Variants in ZMYND8 observed in about 807,000 individuals in gnomAD.
The protein encoded by ZMYND8 is MYND-type zinc finger-containing chromatin reader ZMYND8.
ZMYND8 carries 37 observed loss-of-function variants against 140.8 expected under a neutral mutation model. That is an observed-to-expected ratio of 0.26 (90% confidence interval 0.20 to 0.35). The LOEUF is 0.35. Among genes scored for constraint, ZMYND8 ranks in the 10% least tolerant of loss-of-function variants. The pLI is 1.00. For missense variants in ZMYND8, 1,068 were observed against 1,570.0 expected, an observed-to-expected ratio of 0.68 and a Z score of 5.40; for synonymous variants, 592 against 597.1, an observed-to-expected ratio of 0.99 and a Z score of 0.12.
intron 2 of ZMYND8, among the ~76,000 whole-genome samples, chr20:47,338,560 A>G (rs1200076703): frequency 6.6e-6 from 1 of 152,206 alleles, no homozygotes; most frequent in African/African-American, 2.4e-5. Flanking sequence ...TGCAGACTTC[A>G]GCTCTGGGAA....
intron 8 of ZMYND8, among the ~76,000 whole-genome samples, chr20:47,284,367 G>A (rs1311403888): frequency 6.6e-6 from 1 of 152,202 alleles, no homozygotes. Context: ...GCAATGTCTA[G>A]AGGCATTTTT....
At chr20:47,240,301 G>A (rs2039796311) in intron 14 of ZMYND8, among the ~76,000 whole-genome samples, 1 of 152,014 alleles carries the variant, frequency 6.6e-6, no homozygotes, top group South Asian at 2.1e-4. Context: ...GATCACTTGT[G>A]GTCAGGAGTT....
intron 12 of ZMYND8, among the ~76,000 whole-genome samples, chr20:47,257,990 G>C (rs370864898): frequency 6.6e-6 from 1 of 152,080 alleles, no homozygotes; most frequent in Non-Finnish European, 1.5e-5. Flanking sequence ...CCCAACGTGC[G>C]GGAATTACAG....
intron 1 of ZMYND8, among the ~76,000 whole-genome samples, chr20:47,355,103 G>A (rs1337936347): frequency 6.6e-6 from 1 of 152,064 alleles, no homozygotes; most frequent in Non-Finnish European, 1.5e-5. Context: ...GCACCTCTAA[G>A]AACAAGCAGT....
chr20:47,228,133 C>T (rs545248809), intron 17 of ZMYND8, among the ~76,000 whole-genome samples: 42 of 150,542 alleles, frequency 2.8e-4, no homozygotes, highest in African/African-American at 8.8e-4. Flanking sequence ...TAATAATAAA[C>T]AGTGTTTAAT....
chr20:47,239,170 A>C, intron 14 of ZMYND8, 32 bp from the exon 15 acceptor site: 2 of 1,480,076 alleles, frequency 1.4e-6, no homozygotes, highest in Non-Finnish European at 1.8e-6. Flanking sequence ...AACAAACAAA[A>C]ACCGGATTTC....
intron 21 of ZMYND8, among the ~76,000 whole-genome samples, chr20:47,219,088 C>T (rs968726238): frequency 1.2e-4 from 12 of 101,450 alleles, no homozygotes; most frequent in East Asian, 5.6e-4. Context: ...GAGAGAGTCT[C>T]GCTCTGTCTT....
intron 2 of ZMYND8, among the ~76,000 whole-genome samples, chr20:47,338,873 C>T (rs770021658): frequency 1.4e-4 from 21 of 152,110 alleles, no homozygotes; most frequent in Non-Finnish European, 2.2e-4. Flanking sequence ...GGACAGGAAG[C>T]TTGCAGGGCA....
chr20:47,212,610 C>A, intron 22 of ZMYND8, 32 bp downstream of exon 22: 2 of 1,611,356 alleles, frequency 1.2e-6, no homozygotes, highest in Non-Finnish European at 1.7e-6. Context: ...GAAGAAGCCC[C>A]GGCAGCTTTC....
rs780517003 is a variant in ZMYND8 at position 47,246,326 on chromosome 20, G to A, written c.1966C>T (p.Pro656Ser). ...ATCTCCACTGGGTTTGTAGGCTTGG[G>A]CTTTTTTTTAACAGCAGATGGCTCT... ...DKEPSAVKKKPKPTNPVEIKE... is the reference protein window; with the variant it reads ...DKEPSAVKKKSKPTNPVEIKE... The change falls in exon 14 of 23, where the codon CCC becomes TCC. Residue 656 changes from proline (P) to serine (S), a missense_variant. Pro to Ser is a moderately conservative substitution (Grantham distance 74). Coordinates refer to ENST00000471951, the MANE Select transcript of ZMYND8 (RefSeq NM_001281775.3). 8.7e-6 allele frequency: 14 copies of A among 1,614,042 alleles called. No individual in the cohort carries two copies. Among genetic ancestry groups the A allele is most frequent in the Middle Eastern group, 1.6e-4 (1 of 6,062 alleles).
chr20:47,286,214 A>G (rs934237115), intron 8 of ZMYND8, among the ~76,000 whole-genome samples: 2 of 149,752 alleles, frequency 1.3e-5, no homozygotes, highest in South Asian at 2.1e-4. Flanking sequence ...GTCTCACTCT[A>G]TCACCCAGTC....
intron 3 of ZMYND8, among the ~76,000 whole-genome samples, chr20:47,302,913 T>G (rs1296880052): frequency 6.6e-6 from 1 of 152,164 alleles, no homozygotes. Flanking sequence ...TTGGTACTGG[T>G]GACACTGGGG....
intron 2 of ZMYND8, among the ~76,000 whole-genome samples, chr20:47,337,711 C>T (rs796785142): frequency 7.9e-5 from 12 of 152,202 alleles, no homozygotes; most frequent in African/African-American, 2.9e-4. Context: ...CACCTGGCAT[C>T]GAGATGGCAC....
At chr20:47,276,900 C>G in intron 10 of ZMYND8, 105 bp from the exon 11 acceptor site, 1 of 559,150 alleles carries the variant, frequency 1.8e-6, no homozygotes, top group Non-Finnish European at 2.5e-6. Context: ...TGCCAAGATT[C>G]TTATTCTATT....
intron 16 of ZMYND8, 27 bp downstream of exon 16, chr20:47,236,299 T>G: frequency 6.2e-7 from 1 of 1,613,850 alleles, no homozygotes; most frequent in South Asian, 1.1e-5. Context: ...GTCTGCCATC[T>G]CCACGGTAGC....
chr20:47,314,935 T>A (rs1012927880), intron 2 of ZMYND8, among the ~76,000 whole-genome samples: 2 of 152,174 alleles, frequency 1.3e-5, no homozygotes, highest in Non-Finnish European at 2.9e-5. Flanking sequence ...CAGACAGTGC[T>A]CCAGGGACCC....
chr20:47,255,720 GTGTA>G (rs1185188536), intron 12 of ZMYND8, among the ~76,000 whole-genome samples: 26 of 27,238 alleles, frequency 9.5e-4, no homozygotes, highest in South Asian at 4.3e-3. Context: ...CCGTGTATGT[GTGTA>G]TATATATATA....
chr20:47,262,546 G>A (rs761898879), intron 11 of ZMYND8, 118 bp from the exon 12 acceptor site: 39 of 1,380,442 alleles, frequency 2.8e-5, no homozygotes, highest in South Asian at 1.7e-4. Context: ...CAGCAAGGCC[G>A]CTACAGTATC....
At chr20:47,318,671 GGACCGGTCTGCACCCTGGCT>G in intron 2 of ZMYND8, 1 of 454,382 alleles carries the variant, frequency 2.2e-6, no homozygotes, top group South Asian at 1.6e-5. Context: ...AGAAACTCGA[GGACCGGTCTGCACCCTGGCT>G]GACTTGGGCC....
Sources: allele counts gnomAD v4.1 joint callset (sites outside exome capture counted in the v4.1 genomes callset), GRCh38; gene constraint gnomAD v4.1.1; transcripts MANE v1.5; gene names NCBI Gene and HGNC (gene_info 2026-07-23, HGNC 2026-07-21).